NEGR1: variants seen among roughly 807,000 people sequenced by gnomAD.
NEGR1 encodes IgLON family member 4.
NEGR1 carries 10 observed loss-of-function variants against 40.9 expected under a neutral mutation model. The observed-to-expected ratio is 0.24, with a 90% CI of 0.15 to 0.42. The LOEUF (loss-of-function observed/expected upper bound fraction) is 0.42. Ranked by LOEUF, NEGR1 falls within the 10% of genes least tolerant of loss-of-function variation. The pLI, the probability that NEGR1 is intolerant of heterozygous loss-of-function variation, is 1.00. For missense variants in NEGR1, 352 were observed against 438.9 expected (o/e 0.80, Z 1.77); for synonymous variants, 185 against 166.8 (o/e 1.11, Z -0.84).
chr1:72,253,067 T>C (rs1225087414), intron 1 of NEGR1, among the ~76,000 whole-genome samples: 1 of 152,184 alleles, frequency 6.6e-6, no homozygotes, highest in Non-Finnish European at 1.5e-5. Context: ...GTTGGGTGCA[T>C]TGGCTCTTTT....
intron 3 of NEGR1, among the ~76,000 whole-genome samples, chr1:71,757,531 G>A (rs1231569311): frequency 2.0e-5 from 3 of 152,044 alleles, no homozygotes; most frequent in Non-Finnish European, 4.4e-5. Context: ...AGCTATAGCT[G>A]TGTGAAAGAC....
At chr1:72,098,525 C>G (rs1036591838) in intron 1 of NEGR1, among the ~76,000 whole-genome samples, 3 of 152,152 alleles carry the variant, frequency 2.0e-5, no homozygotes, top group African/African-American at 7.2e-5. Context: ...CTGTCACTCT[C>G]TGCTCGCCCA....
intron 2 of NEGR1, among the ~76,000 whole-genome samples, chr1:71,812,376 A>G (rs1658034931): frequency 6.6e-6 from 1 of 152,126 alleles, no homozygotes; most frequent in South Asian, 2.1e-4. Context: ...ATGTATCTTT[A>G]TAATAGAATA....
At chr1:71,828,601 C>T (rs1020775752) in intron 2 of NEGR1, among the ~76,000 whole-genome samples, 1 of 151,856 alleles carries the variant, frequency 6.6e-6, no homozygotes, top group Non-Finnish European at 1.5e-5. Context: ...ATTTCACTGT[C>T]TTTTCACTCT....
intron 1 of NEGR1, among the ~76,000 whole-genome samples, chr1:72,268,550 A>G (rs1655731219): frequency 6.6e-6 from 1 of 151,500 alleles, no homozygotes; most frequent in South Asian, 2.1e-4. Flanking sequence ...AGTGGATAGC[A>G]TACTACAGGG....
intron 2 of NEGR1, among the ~76,000 whole-genome samples, chr1:71,818,513 A>G (rs999170253): frequency 3.3e-5 from 5 of 152,006 alleles, no homozygotes; most frequent in Admixed American, 3.3e-4. Flanking sequence ...GGGGAACAAC[A>G]GACATTAGCA....
At chr1:71,851,616 A>G (rs1256766025) in intron 2 of NEGR1, among the ~76,000 whole-genome samples, 1 of 152,198 alleles carries the variant, frequency 6.6e-6, no homozygotes, top group Non-Finnish European at 1.5e-5. Context: ...ATGCAAGGTT[A>G]GACAAGAAAA....
intron 1 of NEGR1, among the ~76,000 whole-genome samples, chr1:72,236,946 T>C (rs1654568623): frequency 6.6e-6 from 1 of 151,996 alleles, no homozygotes; most frequent in South Asian, 2.1e-4. Context: ...TGAGGATAGT[T>C]AGAAAACATT....
chr1:71,968,003 C>T (rs2100310628), intron 1 of NEGR1, among the ~76,000 whole-genome samples: 1 of 152,138 alleles, frequency 6.6e-6, no homozygotes, highest in East Asian at 1.9e-4. Context: ...ATATCCAGAC[C>T]ACATCTTGCT....
chr1:71,526,809 T>C (rs539113343), intron 6 of NEGR1, among the ~76,000 whole-genome samples: 3 of 151,716 alleles, frequency 2.0e-5, no homozygotes, highest in Non-Finnish European at 4.4e-5. Flanking sequence ...AGCCTATGCC[T>C]ACGGGTAAGT....
At chr1:72,088,496 G>A (rs78481926) in intron 1 of NEGR1, among the ~76,000 whole-genome samples, 2,327 of 152,138 alleles carry the variant, frequency 0.015, 56 homozygotes, top group African/African-American at 0.053. Context: ...TATACAATAG[G>A]AAAGAAAATG....
intron 2 of NEGR1, among the ~76,000 whole-genome samples, chr1:71,791,305 A>G (rs1036643622): frequency 6.6e-6 from 1 of 152,062 alleles, no homozygotes; most frequent in African/African-American, 2.4e-5. Flanking sequence ...CACTTTCTCA[A>G]TATTTTATTA....
At chr1:71,898,923 T>TAATATA (rs1198958122) in intron 2 of NEGR1, among the ~76,000 whole-genome samples, 6 of 132,178 alleles carry the variant, frequency 4.5e-5, no homozygotes, top group African/African-American at 1.8e-4. Flanking sequence ...CAAATATATA[T>TAATATA]TTGCAAATAT....
intron 6 of NEGR1, among the ~76,000 whole-genome samples, chr1:71,504,560 T>C (rs1647020240): frequency 6.6e-6 from 1 of 152,180 alleles, no homozygotes. Flanking sequence ...CTCACAACCG[T>C]TGAAGACTAG....
intron 4 of NEGR1, among the ~76,000 whole-genome samples, chr1:71,671,647 C>G (rs1389034869): frequency 6.6e-6 from 1 of 152,102 alleles, no homozygotes; most frequent in Non-Finnish European, 1.5e-5. Flanking sequence ...CTTTATCTTT[C>G]ATCACATTGC....
chr1:72,066,560 G>A (rs1647276363), intron 1 of NEGR1, among the ~76,000 whole-genome samples: 1 of 152,116 alleles, frequency 6.6e-6, no homozygotes, highest in African/African-American at 2.4e-5. Context: ...AGGTAATTAA[G>A]GTTAAATGAG....
At position 71,779,030 on chromosome 1, in the gene NEGR1, A is replaced by G. The variant is rs1656609842; in HGVS notation, c.410-2733T>C. Among the ~76,000 whole-genome samples, 3 of 152,238 alleles carry G rather than the reference A, an allele frequency of 2.0e-5. No homozygotes were observed. In the South Asian group the frequency reaches 6.2e-4, roughly 32 times the overall value. On this transcript the variant is annotated intron_variant, in intron 2 of 6. Coordinates refer to ENST00000357731, the MANE Select transcript of NEGR1 (RefSeq NM_173808.3). ...GATTGCAATTGCCTTCCAGGGCCTCATAATTCAGGACATGCTACAGGGAAT... is the reference window on the plus strand; with the variant it reads ...GATTGCAATTGCCTTCCAGGGCCTCGTAATTCAGGACATGCTACAGGGAAT...
rs531636292 is a variant in NEGR1 at position 71,733,761 on chromosome 1, T to C, written c.536-35622A>G. Reference sequence around the variant, plus strand: ...AGCAAAATATAATACAGTAGTGATATAATTGTAGACCAAAATAAAATGGTG... The same window carrying C: ...AGCAAAATATAATACAGTAGTGATACAATTGTAGACCAAAATAAAATGGTG... On this transcript the variant is annotated intron_variant, in intron 3 of 6. Transcript: ENST00000357731. 3.9e-5 allele frequency among the ~76,000 whole-genome samples: 6 copies of C among 152,288 alleles called. No homozygotes were observed. In the East Asian group the frequency reaches 5.8e-4, roughly 15 times the overall value.
chr1:71,681,847 G>A (rs1652848724), intron 4 of NEGR1, among the ~76,000 whole-genome samples: 2 of 151,482 alleles, frequency 1.3e-5, no homozygotes, highest in Non-Finnish European at 2.9e-5. Flanking sequence ...ATTTTTTTTA[G>A]GCAGAGTCTC....
Sources: allele counts gnomAD v4.1 joint callset (sites outside exome capture counted in the v4.1 genomes callset), GRCh38; gene constraint gnomAD v4.1.1; transcripts MANE v1.5; gene names NCBI Gene and HGNC (gene_info 2026-07-23, HGNC 2026-07-21).